Variants in MGAT4A observed in about 807,000 individuals in gnomAD.
MGAT4A encodes N-acetylglucosaminyltransferase IVa.
Under a neutral mutation model 74.1 loss-of-function variants are expected in MGAT4A, and 33 were observed. The ratio of observed to expected loss-of-function variants is 0.45; its 90% CI spans 0.34 to 0.60. The LOEUF (loss-of-function observed/expected upper bound fraction) is 0.60. Among genes scored for constraint, MGAT4A ranks in the 20% least tolerant of loss-of-function variants. The pLI is 0.02. For missense variants in MGAT4A, 479 were observed against 628.3 expected (o/e 0.76, Z 2.54); for synonymous variants, 198 against 210.4 (o/e 0.94, Z 0.51).
intron 2 of MGAT4A, among the ~76,000 whole-genome samples, chr2:98,687,682 A>G (rs1702147317): frequency 6.6e-6 from 1 of 151,620 alleles, no homozygotes; most frequent in Admixed American, 6.6e-5. Context: ...CCCACCCCAC[A>G]ATAGCCCTGT....
At chr2:98,700,351 AC>A (rs1284938137) in intron 2 of MGAT4A, among the ~76,000 whole-genome samples, 3 of 148,584 alleles carry the variant, frequency 2.0e-5, no homozygotes, top group African/African-American at 7.3e-5. Context: ...TACTATAAAT[AC>A]CATATGAGTA....
chr2:98,703,196 G>A (rs964403192), intron 2 of MGAT4A, among the ~76,000 whole-genome samples: 5 of 152,106 alleles, frequency 3.3e-5, no homozygotes, highest in African/African-American at 9.7e-5. Flanking sequence ...TAGAGAAAAC[G>A]AAGAGACAGG....
chr2:98,636,079 A>C (rs1223315827), intron 13 of MGAT4A, among the ~76,000 whole-genome samples: 6 of 149,304 alleles, frequency 4.0e-5, no homozygotes. Context: ...TGCAACCTCC[A>C]CCTCCCAGGT....
At chr2:98,685,944 T>G (rs1702123213) in intron 2 of MGAT4A, among the ~76,000 whole-genome samples, 1 of 152,288 alleles carries the variant, frequency 6.6e-6, no homozygotes. Flanking sequence ...GAAGTTTATG[T>G]AGTTCTAGTC....
At chr2:98,655,379 G>A in intron 8 of MGAT4A, 66 bp downstream of exon 8, 2 of 1,261,254 alleles carry the variant, frequency 1.6e-6, no homozygotes, top group Non-Finnish European at 1.1e-6. Context: ...CTGTTTTAAT[G>A]AAAACATACC....
intron 8 of MGAT4A, among the ~76,000 whole-genome samples, chr2:98,654,256 C>CA (rs1288700586): frequency 6.6e-6 from 1 of 152,060 alleles, no homozygotes; most frequent in Non-Finnish European, 1.5e-5. Flanking sequence ...AGAAGCAGGG[C>CA]AAGGAGTCCC....
intron 4 of MGAT4A, among the ~76,000 whole-genome samples, chr2:98,670,845 T>C (rs1701901421): frequency 6.6e-6 from 1 of 152,186 alleles, no homozygotes; most frequent in Non-Finnish European, 1.5e-5. Context: ...CAACCACTTA[T>C]TCTCAAACAA....
At chr2:98,684,508 C>G (rs959224967) in intron 2 of MGAT4A, among the ~76,000 whole-genome samples, 5 of 152,084 alleles carry the variant, frequency 3.3e-5, no homozygotes, top group Admixed American at 1.3e-4. Flanking sequence ...ACAAAATTTC[C>G]AGAGAAACCA....
At chr2:98,673,385 C>A (rs1487386770) in intron 4 of MGAT4A, among the ~76,000 whole-genome samples, 2 of 152,096 alleles carry the variant, frequency 1.3e-5, no homozygotes, top group Non-Finnish European at 2.9e-5. Flanking sequence ...ATTATATTTT[C>A]TATGGGCATT....
chr2:98,671,349 G>A (rs963205000), intron 4 of MGAT4A, among the ~76,000 whole-genome samples: 2 of 152,150 alleles, frequency 1.3e-5, no homozygotes. Flanking sequence ...TGTGATCTCT[G>A]TAAAATTTAA....
At chr2:98,639,012 C>T (rs1289823875) in intron 12 of MGAT4A, among the ~76,000 whole-genome samples, 1 of 152,206 alleles carries the variant, frequency 6.6e-6, no homozygotes, top group Non-Finnish European at 1.5e-5. Flanking sequence ...AGGCCAGGCA[C>T]AATGGCTCAC....
At chr2:98,646,342 T>C (rs1265254318) in intron 8 of MGAT4A, among the ~76,000 whole-genome samples, 2 of 152,228 alleles carry the variant, frequency 1.3e-5, no homozygotes, top group Admixed American at 1.3e-4. Context: ...GGAATAGCAC[T>C]CCTCAATGAT....
At chr2:98,687,055 T>C (rs1702140607) in intron 2 of MGAT4A, among the ~76,000 whole-genome samples, 1 of 152,198 alleles carries the variant, frequency 6.6e-6, no homozygotes, top group Non-Finnish European at 1.5e-5. Flanking sequence ...CACAAGGAGC[T>C]TGGAGTAAAA....
chr2:98,697,043 A>G (rs1300231885), intron 2 of MGAT4A, among the ~76,000 whole-genome samples: 1 of 152,202 alleles, frequency 6.6e-6, no homozygotes, highest in Non-Finnish European at 1.5e-5. Context: ...TCTCTTCCTC[A>G]GATGTAAATG....
In MGAT4A at chr2:98,724,827, C is replaced by A. The variant is rs1702736756; in HGVS notation, c.94+1412G>T. 2.0e-5 allele frequency among the ~76,000 whole-genome samples: 3 copies of A among 151,814 alleles called. No individual in the cohort carries two copies. In the South Asian group the frequency reaches 6.2e-4, roughly 32 times the overall value. On this transcript the variant is annotated intron_variant, in intron 2 of 15. Coordinates refer to ENST00000393487, the MANE Select transcript of MGAT4A (RefSeq NM_012214.3). The stretch of plus-strand genomic sequence containing the variant: ...ACCCATATACTTTTCTGCTCATCAA[C>A]CCTCTTATTTCATAAACAGACTTTT...
At chr2:98,729,014 G>C (rs1157966582) in intron 1 of MGAT4A, among the ~76,000 whole-genome samples, 1 of 152,044 alleles carries the variant, frequency 6.6e-6, no homozygotes, top group African/African-American at 2.4e-5. Flanking sequence ...CATAATAACG[G>C]GGAGGTAGAG....
intron 2 of MGAT4A, among the ~76,000 whole-genome samples, chr2:98,701,665 T>C (rs1402701633): frequency 6.6e-6 from 1 of 152,190 alleles, no homozygotes; most frequent in Non-Finnish European, 1.5e-5. Flanking sequence ...CCATGCCAAG[T>C]GCAAGGTCTA....
intron 4 of MGAT4A, among the ~76,000 whole-genome samples, chr2:98,664,060 A>T (rs1030974401): frequency 2.6e-5 from 4 of 152,050 alleles, no homozygotes; most frequent in African/African-American, 9.7e-5. Flanking sequence ...TACAAAAATT[A>T]TCTGGGCATG....
intron 10 of MGAT4A, among the ~76,000 whole-genome samples, chr2:98,642,386 T>C (rs553416421): frequency 1.3e-5 from 2 of 152,298 alleles, no homozygotes; most frequent in East Asian, 1.9e-4. Context: ...CTGTCAAGGA[T>C]GTGGCGACAG....
Sources: gnomAD v4.1 joint callset for allele counts (sites outside exome capture counted in the v4.1 genomes callset) on GRCh38, gnomAD v4.1.1 for gene constraint, MANE v1.5 for transcripts, NCBI Gene and HGNC (gene_info 2026-07-23, HGNC 2026-07-21) for gene names.